COL25A1: variants seen among roughly 807,000 people sequenced by gnomAD.
COL25A1 encodes collagen type XXV alpha 1 chain.
In COL25A1, 103 loss-of-function variants were observed where a neutral mutation model predicts 128.4. The ratio of observed to expected loss-of-function variants is 0.80; its 90% CI spans 0.68 to 0.94. The LOEUF is 0.94. COL25A1 is among the 40% of genes least tolerant of loss of function. The probability of loss-of-function intolerance (pLI) is 0.00; values close to 1 mark genes in which losing one functional copy is unlikely to be tolerated. For missense variants in COL25A1, 745 were observed against 840.0 expected (o/e 0.89, Z 1.40); for synonymous variants, 279 against 277.2 (o/e 1.01, Z -0.06).
In COL25A1 at chr4:108,919,030, C is replaced by G. The variant is rs377601766; in HGVS notation, c.736-814G>C. On this transcript the variant is annotated intron_variant, in intron 12 of 37. Coordinates refer to ENST00000399132, the MANE Select transcript of COL25A1 (RefSeq NM_198721.4). ...CCCTCCATTACACCTTCCATTTAGG[C>G]TCTGGAGAAACCATTTTAAATACAA... 3.3e-4 allele frequency among the ~76,000 whole-genome samples: 50 copies of G among 152,278 alleles called. 2 individuals are homozygous for G. The South Asian group carries it at 0.01, about 31-fold the overall frequency.
intron 3 of COL25A1, among the ~76,000 whole-genome samples, chr4:109,167,943 T>C (rs1460963226): frequency 6.6e-6 from 1 of 152,116 alleles, no homozygotes; most frequent in Non-Finnish European, 1.5e-5. Context: ...AAACTGTTTA[T>C]CTTGGCCTCC....
chr4:108,961,855 A>C (rs945559124), intron 8 of COL25A1, among the ~76,000 whole-genome samples: 6 of 152,212 alleles, frequency 3.9e-5, no homozygotes, highest in Non-Finnish European at 7.3e-5. Flanking sequence ...TCAGCCTCTA[A>C]AAATAATAAG....
rs758148071 is a variant in COL25A1, at chr4:109,300,661, A to C, written c.298-9T>G. ...ATATGTTCATAGGATTTCTGTAGGA[A>C]AAGAAGAGTTATTAATAATCATCAG... On this transcript the variant is annotated splice_polypyrimidine_tract_variant and intron_variant, in intron 2 of 37. Transcript: ENST00000399132. 6.3e-7 allele frequency: 1 copy of C among 1,592,746 alleles called. No homozygotes were observed. Among genetic ancestry groups the C allele is most frequent in the Admixed American group, 1.7e-5 (1 of 60,004 alleles).
intron 19 of COL25A1, among the ~76,000 whole-genome samples, chr4:108,874,058 G>T (rs905509982): frequency 2.0e-5 from 3 of 152,268 alleles, no homozygotes; most frequent in East Asian, 1.9e-4. Context: ...ATAAGCAAAT[G>T]ACTACTATAC....
chr4:108,984,939 T>TA (rs1221025897), intron 6 of COL25A1, among the ~76,000 whole-genome samples: 1 of 152,218 alleles, frequency 6.6e-6, no homozygotes, highest in East Asian at 1.9e-4. Flanking sequence ...ATATAGGTTT[T>TA]ATGAAGGGCC....
chr4:109,108,492 C>T (rs10007335), intron 3 of COL25A1, among the ~76,000 whole-genome samples: 31,707 of 151,386 alleles, frequency 0.21, 3,934 homozygotes, highest in East Asian at 0.38. Flanking sequence ...AATAAACATA[C>T]GTGTGCATGT....
chr4:109,259,269 AT>A (rs1324709843), intron 3 of COL25A1, among the ~76,000 whole-genome samples: 1 of 152,244 alleles, frequency 6.6e-6, no homozygotes, highest in African/African-American at 2.4e-5. Context: ...GAGAAAAAAA[AT>A]CAATGAAGGT....
chr4:109,261,057 C>T (rs1383094753), intron 3 of COL25A1, among the ~76,000 whole-genome samples: 1 of 151,954 alleles, frequency 6.6e-6, no homozygotes, highest in African/African-American at 2.4e-5. Context: ...AGGTAAAAAC[C>T]ATAGAAGTGC....
At chr4:109,194,207 T>G (rs1560844206) in intron 3 of COL25A1, among the ~76,000 whole-genome samples, 1 of 152,180 alleles carries the variant, frequency 6.6e-6, no homozygotes, top group African/African-American at 2.4e-5. Context: ...TTTCATGAAC[T>G]GTAAAGAGAG....
intron 33 of COL25A1, 117 bp downstream of exon 33, chr4:108,827,018 T>C: frequency 1.2e-6 from 1 of 835,338 alleles, no homozygotes; most frequent in Non-Finnish European, 2.0e-6. Context: ...AGATAATGAG[T>C]GGATTGTTGT....
chr4:109,039,860 C>A (rs561604388), intron 5 of COL25A1, among the ~76,000 whole-genome samples: 31 of 152,258 alleles, frequency 2.0e-4, no homozygotes, highest in African/African-American at 6.0e-4. Flanking sequence ...ATTCTATATT[C>A]CATCCTTTTT....
intron 6 of COL25A1, among the ~76,000 whole-genome samples, chr4:108,995,296 C>T (rs1181959003): frequency 6.6e-6 from 1 of 152,146 alleles, no homozygotes; most frequent in East Asian, 1.9e-4. Flanking sequence ...AGCTGAAAAC[C>T]ATGGCACAAG....
At position 109,198,398 on chromosome 4, in the gene COL25A1, T is replaced by C. The variant is rs1002106843; in HGVS notation, c.367+102185A>G. ...GATGTTCAGAACACACTCCACTTTATCTCTCTGGCAGGCTTCTCAACATCT... is the reference window on the plus strand; with the variant it reads ...GATGTTCAGAACACACTCCACTTTACCTCTCTGGCAGGCTTCTCAACATCT... On this transcript the variant is annotated intron_variant, in intron 3 of 37. Transcript: ENST00000399132. 3.5e-4 allele frequency among the ~76,000 whole-genome samples: 53 copies of C among 152,066 alleles called. 1 individual carries two copies. The highest frequency in any genetic ancestry group is 1.5e-5 in the Non-Finnish European group (1 of 68,004).
chr4:109,026,100 G>GCACA (rs56718544), intron 5 of COL25A1, among the ~76,000 whole-genome samples: 9,358 of 137,030 alleles, frequency 0.068, 322 homozygotes, highest in African/African-American at 0.11. Flanking sequence ...AAAACACTTT[G>GCACA]CACACACACA....
intron 18 of COL25A1, among the ~76,000 whole-genome samples, chr4:108,887,148 C>T (rs1361519572): frequency 6.6e-6 from 1 of 152,124 alleles, no homozygotes; most frequent in Non-Finnish European, 1.5e-5. Flanking sequence ...GGAATTATTC[C>T]TACATTATGA....
intron 5 of COL25A1, among the ~76,000 whole-genome samples, chr4:109,013,587 G>A (rs531169588): frequency 3.3e-5 from 5 of 151,896 alleles, no homozygotes; most frequent in African/African-American, 1.2e-4. Context: ...TCACCACGAA[G>A]GTCTGCAGCT....
rs999603255 is a variant in COL25A1 at position 108,832,308 on chromosome 4, T to C, written c.1710+72A>G. The C allele has an allele frequency of 2.8e-6, 3 of 1,072,626 alleles. No individual in the cohort carries two copies. The African/African-American group carries it at 4.8e-5, about 17-fold the overall frequency. The allele number at this position is 1,072,626 out of a possible 1,614,324, so 66.4% of individuals were successfully genotyped here. A position where few individuals can be genotyped will look rare whatever the true frequency, so the allele number is the denominator to read the frequency against. On this transcript the variant is annotated intron_variant, in intron 32 of 37. Coordinates refer to ENST00000399132, the MANE Select transcript of COL25A1 (RefSeq NM_198721.4). ...TTTATTTCTTCTGAAAAATGAACAG[T>C]TAAATTAATATGGAAAAGCCATGCT...
intron 3 of COL25A1, among the ~76,000 whole-genome samples, chr4:109,164,989 T>C (rs531547336): frequency 2.6e-5 from 4 of 152,336 alleles, no homozygotes; most frequent in Non-Finnish European, 5.9e-5. Flanking sequence ...TTAGACTCCA[T>C]ATCTGAATTC....
Position 109,246,051 on chromosome 4 carries a change from A to G in COL25A1, c.367+54532T>C, listed in dbSNP as rs1780246176. On this transcript the variant is annotated intron_variant, in intron 3 of 37. Transcript: ENST00000399132. ...AAAAAAAAAAATTTAAAAAACATAAACAATACACAAAATGAAAACATTAAC... is the reference window on the plus strand; with the variant it reads ...AAAAAAAAAAATTTAAAAAACATAAGCAATACACAAAATGAAAACATTAAC... Among the ~76,000 whole-genome samples the G allele has an allele frequency of 3.3e-5, 5 of 150,382 alleles. No individual in the cohort carries two copies. The Admixed American group carries it at 3.4e-4, about 10-fold the overall frequency.
Sources: allele counts gnomAD v4.1 joint callset (sites outside exome capture counted in the v4.1 genomes callset), GRCh38; gene constraint gnomAD v4.1.1; transcripts MANE v1.5; gene names NCBI Gene and HGNC (gene_info 2026-07-23, HGNC 2026-07-21).